The following IQUB variants were observed in gnomAD, a reference collection of about 807,000 sequenced individuals.
IQUB encodes the protein IQ motif and ubiquitin-like domain-containing protein.
Under a neutral mutation model 86.4 loss-of-function variants are expected in IQUB, and 86 were observed. The observed-to-expected ratio is 1.00, with a 90% CI of 0.84 to 1.19. The LOEUF is 1.19. Ranked by LOEUF, IQUB falls within the 50% of genes most tolerant of loss-of-function variation. The pLI is 0.00. For synonymous variants in IQUB, 289 were observed against 304.5 expected (o/e 0.95, Z 0.53); for missense variants, 946 against 916.9 (o/e 1.03, Z -0.41).
intron 1 of IQUB, among the ~76,000 whole-genome samples, chr7:123,524,378 C>A (rs1490993746): frequency 6.7e-6 from 1 of 150,060 alleles, no homozygotes; most frequent in Non-Finnish European, 1.5e-5. Flanking sequence ...CTTTTATTTC[C>A]TTGAGCAGTG....
In IQUB at chr7:123,501,667, C is replaced by G. The variant is rs1795951028; in HGVS notation, c.1023+930G>C. 1.3e-5 allele frequency: 2 copies of G among 152,186 alleles called. 1 individual carries two copies. The highest frequency in any genetic ancestry group is 1.3e-4 in the Admixed American group (2 of 15,272). The allele number at this position is 152,186 out of a possible 1,614,324, so 9.4% of individuals were successfully genotyped here. On this transcript the variant is annotated intron_variant, in intron 6 of 12. Transcript: ENST00000324698. ...CAAGGTGCTGAACTTCAGAGAACTT[C>G]TAAGAAACATTTCCCATCTCTTTTA...
At chr7:123,510,507 T>C (rs1796370641) in intron 2 of IQUB, among the ~76,000 whole-genome samples, 2 of 152,134 alleles carry the variant, frequency 1.3e-5, no homozygotes, top group South Asian at 2.1e-4. Context: ...TTAAATGTTA[T>C]TATAAAATGA....
intron 10 of IQUB, 131 bp from the exon 11 acceptor site, chr7:123,461,736 AATTTCT>A: frequency 1.3e-6 from 1 of 764,892 alleles, no homozygotes; most frequent in Non-Finnish European, 1.9e-6. Context: ...AAAGTTGGCT[AATTTCT>A]AAAATTTTAT....
intron 8 of IQUB, among the ~76,000 whole-genome samples, chr7:123,472,748 T>C (rs1794587081): frequency 6.6e-6 from 1 of 152,258 alleles, no homozygotes; most frequent in African/African-American, 2.4e-5. Context: ...GATAACTTGA[T>C]CTTCAAGCCT....
intron 6 of IQUB, chr7:123,501,676 A>T (rs2117198113): frequency 6.6e-6 from 1 of 152,256 alleles, no homozygotes; most frequent in African/African-American, 2.4e-5. Flanking sequence ...TCTAAGAAAC[A>T]TTTCCCATCT....
intron 1 of IQUB, among the ~76,000 whole-genome samples, chr7:123,525,877 A>C (rs28816387): frequency 7.0e-6 from 1 of 143,656 alleles, no homozygotes; most frequent in Admixed American, 7.1e-5. Context: ...CTTTGAATGC[A>C]TCCCAGAGAT....
chr7:123,480,989 G>A (rs1794978817), intron 7 of IQUB, among the ~76,000 whole-genome samples: 1 of 151,948 alleles, frequency 6.6e-6, no homozygotes, highest in South Asian at 2.1e-4. Context: ...ACTAAATTTG[G>A]AAAAGAAAAC....
chr7:123,484,726 C>T (rs1214483539), intron 7 of IQUB, among the ~76,000 whole-genome samples: 4 of 152,008 alleles, frequency 2.6e-5, no homozygotes, highest in African/African-American at 4.8e-5. Flanking sequence ...TACACATACT[C>T]ATATCCATTC....
chr7:123,465,470 CT>C (rs1370312412), intron 9 of IQUB, among the ~76,000 whole-genome samples: 1 of 151,956 alleles, frequency 6.6e-6, no homozygotes, highest in Non-Finnish European at 1.5e-5. Context: ...ACATTGGCAA[CT>C]TCCTGTTTAA....
chr7:123,464,839 G>A lies in IQUB; in HGVS notation c.1752C>T (p.Tyr584=). ...AGAGAAAAATGTAGAATACCTTAAG[G>A]TATTTTGCAACTTCAGGATTAAACA... is the stretch of plus-strand genomic sequence containing the variant. ...TPLFNPEVAK[Y]LKVPQDPLKF... The change falls in exon 10 of 13, where the codon TAC becomes TAT. Residue 584 remains tyrosine, a synonymous_variant. Coordinates refer to ENST00000324698, the MANE Select transcript of IQUB (RefSeq NM_178827.5). 1 of 1,571,634 alleles carries A rather than the reference G, an allele frequency of 6.4e-7. No homozygotes were observed. The highest frequency in any genetic ancestry group is 8.6e-7 in the Non-Finnish European group (1 of 1,160,882).
chr7:123,530,099 T>C (rs1375938435), intron 1 of IQUB, among the ~76,000 whole-genome samples: 1 of 151,700 alleles, frequency 6.6e-6, no homozygotes, highest in Admixed American at 6.6e-5. Flanking sequence ...ATCGCAGCTA[T>C]TGGGGAGGCT....
intron 12 of IQUB, among the ~76,000 whole-genome samples, chr7:123,454,259 C>T (rs961619700): frequency 2.6e-5 from 4 of 151,966 alleles, no homozygotes; most frequent in Admixed American, 6.6e-5. Context: ...ATGTACAGAA[C>T]TTTATAGGTT....
At chr7:123,499,480 C>T (rs1401524524) in intron 6 of IQUB, among the ~76,000 whole-genome samples, 1 of 152,028 alleles carries the variant, frequency 6.6e-6, no homozygotes, top group Non-Finnish European at 1.5e-5. Context: ...TTCATAAAAA[C>T]ATAATAGAGG....
chr7:123,485,732 G>A (rs1795191281), intron 7 of IQUB, among the ~76,000 whole-genome samples: 1 of 152,096 alleles, frequency 6.6e-6, no homozygotes, highest in South Asian at 2.1e-4. Flanking sequence ...GTCTACCATT[G>A]GCAGTTTTGA....
At chr7:123,531,083 C>G (rs1015305237) in intron 1 of IQUB, among the ~76,000 whole-genome samples, 1 of 151,974 alleles carries the variant, frequency 6.6e-6, no homozygotes, top group African/African-American at 2.4e-5. Flanking sequence ...GCATTAGGTT[C>G]GGATCCATAA....
At chr7:123,506,390 T>C (rs868454459) in intron 3 of IQUB, among the ~76,000 whole-genome samples, 2 of 152,204 alleles carry the variant, frequency 1.3e-5, no homozygotes, top group Non-Finnish European at 2.9e-5. Context: ...CGTTCTCACA[T>C]TGCTATAAAG....
At chr7:123,496,970 G>A (rs1450795526) in intron 6 of IQUB, 64 bp from the exon 7 acceptor site, 3 of 961,776 alleles carry the variant, frequency 3.1e-6, no homozygotes, top group East Asian at 2.6e-5. Context: ...GACAATAAAG[G>A]CAATGATGAT....
At chr7:123,510,130 TTTAA>T (rs1227844419) in intron 2 of IQUB, 95 bp from the exon 3 acceptor site, 1 of 749,280 alleles carries the variant, frequency 1.3e-6, no homozygotes, top group Non-Finnish European at 2.1e-6. Flanking sequence ...TGTGTTAATT[TTTAA>T]TTACATAGAA....
At chr7:123,480,066 A>C in intron 7 of IQUB, 96 bp from the exon 8 acceptor site, 1 of 904,760 alleles carries the variant, frequency 1.1e-6, no homozygotes, top group Non-Finnish European at 1.7e-6. Context: ...CATCAATTTA[A>C]ACAAAAGTAT....
Sources: gnomAD v4.1 joint callset for allele counts (sites outside exome capture counted in the v4.1 genomes callset) on GRCh38, gnomAD v4.1.1 for gene constraint, MANE v1.5 for transcripts, NCBI Gene and HGNC (gene_info 2026-07-23, HGNC 2026-07-21) for gene names.